Variants in BSDC1 observed in about 807,000 individuals in gnomAD.
BSDC1 encodes BSD domain containing 1.
Under a neutral mutation model 56.0 loss-of-function variants are expected in BSDC1, and 29 were observed. That is an observed-to-expected ratio of 0.52 (90% CI 0.39 to 0.71). BSDC1 has a LOEUF of 0.71. Among genes scored for constraint, BSDC1 ranks in the 30% least tolerant of loss-of-function variants. BSDC1 has a pLI of 0.00. For synonymous variants in BSDC1, 210 were observed against 215.3 expected (o/e 0.98, Z 0.21); for missense variants, 477 against 548.5 (o/e 0.87, Z 1.30).
At position 32,376,647 on chromosome 1, in the gene BSDC1, C is replaced by T; in HGVS notation, c.771G>A (p.Gln257=). The change falls in exon 9 of 11, where the codon CAG becomes CAA. Residue 257 remains glutamine, a synonymous_variant. Transcript: ENST00000455895. ...TCACCAGATTCTCTTCACAGGGGCT[C>T]TGGGGGCCAGGTTCTCCTTCAGGGA... is the stretch of plus-strand genomic sequence containing the variant. ...STFPEGEPGP[Q]SPCEENLVTS... is the part of the protein sequence containing the mutation. 1.4e-6 allele frequency: 2 copies of T among 1,425,848 alleles called. No homozygotes were observed. The highest frequency in any genetic ancestry group is 1.9e-6 in the Non-Finnish European group (2 of 1,077,518). The allele number at this position is 1,425,848 out of a possible 1,614,324, so 88.3% of individuals were successfully genotyped here. A position where few individuals can be genotyped will look rare whatever the true frequency, so the allele number is the denominator to read the frequency against.
At chr1:32,383,713 A>C (rs1642566508) in intron 4 of BSDC1, 117 bp downstream of exon 4, 1 of 755,192 alleles carries the variant, frequency 1.3e-6, no homozygotes. Context: ...TACTATTAAT[A>C]ATATACCCAT....
At chr1:32,377,456 C>CT (rs1642332209) in intron 8 of BSDC1, among the ~76,000 whole-genome samples, 1 of 151,772 alleles carries the variant, frequency 6.6e-6, no homozygotes, top group Admixed American at 6.6e-5. Context: ...GTGTAGAGCT[C>CT]TTAGGGCAGC....
At chr1:32,367,497 C>G in intron 10 of BSDC1, 1 of 985,464 alleles carries the variant, frequency 1.0e-6, no homozygotes, top group Non-Finnish European at 1.2e-6. Context: ...ACATGTCTCT[C>G]TAATCTGTCC....
chr1:32,382,881 A>G (rs1322476390), intron 4 of BSDC1, among the ~76,000 whole-genome samples: 1 of 151,436 alleles, frequency 6.6e-6, no homozygotes, highest in East Asian at 1.9e-4. Flanking sequence ...AAAAAAAAAA[A>G]AAAAAAAAGA....
intron 4 of BSDC1, among the ~76,000 whole-genome samples, chr1:32,382,096 G>A (rs535457146): frequency 6.6e-6 from 1 of 152,056 alleles, no homozygotes; most frequent in Admixed American, 6.6e-5. Context: ...GCATGGTGAT[G>A]TGCGCCTGTA....
At chr1:32,384,088 G>C in intron 3 of BSDC1, 91 bp from the exon 4 acceptor site, 1 of 1,567,064 alleles carries the variant, frequency 6.4e-7, no homozygotes, top group Non-Finnish European at 8.7e-7. Flanking sequence ...AAGGTGTACC[G>C]TGTGTTGGGG....
chr1:32,378,783 CCTT>C lies in BSDC1; in HGVS notation c.466_468del (p.Lys156del), dbSNP rs1557645803. 1.9e-6 allele frequency: 3 copies of C among 1,553,574 alleles called. No homozygotes were observed. The highest frequency in any genetic ancestry group is 2.4e-5 in the East Asian group (1 of 41,238). The stretch of plus-strand genomic sequence containing the variant: ...CCTACAAGGAGCTCTGAGATCTCCC[CCTT>C]CTTCTCCTCCAAGCAGAACTGGGAA... On this transcript the variant is annotated inframe_deletion, in exon 6 of 11. Transcript: ENST00000455895. This position sits in a 1 kb window ranked among gnomAD's most constrained non-coding sequence, Gnocchi z 5.2.
At chr1:32,369,649 G>A (rs1225657637) in intron 9 of BSDC1, among the ~76,000 whole-genome samples, 1 of 152,148 alleles carries the variant, frequency 6.6e-6, no homozygotes, top group Non-Finnish European at 1.5e-5. Flanking sequence ...GCTGTTCCCT[G>A]CACCTGGAAC....
At chr1:32,391,266 C>T (rs1424670138) in intron 2 of BSDC1, among the ~76,000 whole-genome samples, 2 of 151,890 alleles carry the variant, frequency 1.3e-5, no homozygotes, top group African/African-American at 4.8e-5. Flanking sequence ...GTAAAGCTGA[C>T]TGAGTAAAGA....
intron 9 of BSDC1, among the ~76,000 whole-genome samples, chr1:32,371,749 C>T (rs1015593650): frequency 7.9e-5 from 12 of 152,184 alleles, no homozygotes; most frequent in African/African-American, 2.9e-4. Flanking sequence ...CCCTCAGCCC[C>T]GCTCCCACAT....
chr1:32,386,115 C>T (rs531782011), intron 3 of BSDC1, among the ~76,000 whole-genome samples: 1 of 152,008 alleles, frequency 6.6e-6, no homozygotes, highest in Non-Finnish European at 1.5e-5. Flanking sequence ...GTCAGGAGAT[C>T]GAGACCATCC....
intron 4 of BSDC1, among the ~76,000 whole-genome samples, chr1:32,382,655 G>A (rs1191471711): frequency 1.4e-5 from 2 of 147,072 alleles, no homozygotes; most frequent in Non-Finnish European, 3.0e-5. Context: ...GAGCCCAGGG[G>A]TTTGAGACCA....
In BSDC1 at chr1:32,378,296, G is replaced by A; in HGVS notation, c.529-13C>T. ...CAGCTGCTGGAACCTGGAGGGAGGG[G>A]AAAATGGAGGTGAGACTTTGGGAGT... On this transcript the variant is annotated splice_polypyrimidine_tract_variant and intron_variant, in intron 6 of 10. Coordinates refer to ENST00000455895, the MANE Select transcript of BSDC1 (RefSeq NM_018045.8). The surrounding 1 kb of genome is among the most constrained non-coding windows in gnomAD (Gnocchi z 5.2). 6.2e-7 allele frequency: 1 copy of A among 1,613,686 alleles called. No individual in the cohort carries two copies. Among genetic ancestry groups the A allele is most frequent in the Non-Finnish European group, 8.5e-7 (1 of 1,179,560 alleles).
intron 2 of BSDC1, among the ~76,000 whole-genome samples, chr1:32,387,336 T>C (rs1642707291): frequency 6.6e-6 from 1 of 151,922 alleles, no homozygotes; most frequent in South Asian, 2.1e-4. Flanking sequence ...AAAAAAGGTA[T>C]GTGATTTTTT....
At chr1:32,390,449 C>A (rs1368685282) in intron 2 of BSDC1, among the ~76,000 whole-genome samples, 2 of 152,188 alleles carry the variant, frequency 1.3e-5, no homozygotes, top group African/African-American at 4.8e-5. Flanking sequence ...GGAAGCACCA[C>A]AGGCTGCTAA....
At chr1:32,376,785 G>A in intron 8 of BSDC1, 44 bp from the exon 9 acceptor site, 1 of 1,324,820 alleles carries the variant, frequency 7.5e-7, no homozygotes, top group Non-Finnish European at 9.7e-7. Flanking sequence ...ATGTAACCTG[G>A]CCAGCCATAA....
intron 2 of BSDC1, among the ~76,000 whole-genome samples, chr1:32,392,728 G>A (rs148489980): frequency 2.2e-4 from 34 of 152,320 alleles, no homozygotes; most frequent in Middle Eastern, 3.4e-3. Flanking sequence ...GGCTATTGCT[G>A]AGAGGCTGTC....
rs946248694 is a variant in BSDC1 at position 32,368,018 on chromosome 1, T to C, written c.1260+429A>G. Reference sequence around the variant, plus strand: ...AGAAGGTCAGGCAGGGTTTGATGTCTGTTTTCTTTTTTCCTTTTTTTTTTT... The same window carrying C: ...AGAAGGTCAGGCAGGGTTTGATGTCCGTTTTCTTTTTTCCTTTTTTTTTTT... On this transcript the variant is annotated intron_variant, in intron 10 of 10. Transcript: ENST00000455895. 5.1e-6 allele frequency: 6 copies of C among 1,168,052 alleles called. No individual in the cohort carries two copies. The African/African-American group carries it at 9.5e-5, about 18-fold the overall frequency. The allele number at this position is 1,168,052 out of a possible 1,614,324, so 72.4% of individuals were successfully genotyped here. A position where few individuals can be genotyped will look rare whatever the true frequency, so the allele number is the denominator to read the frequency against.
intron 3 of BSDC1, among the ~76,000 whole-genome samples, chr1:32,384,857 GA>G (rs896192154): frequency 9.5e-5 from 14 of 147,000 alleles, no homozygotes; most frequent in East Asian, 4.0e-4. Flanking sequence ...TTTGTTGAAT[GA>G]AAAAAAAAAG....
Sources: gnomAD v4.1 joint callset for allele counts (sites outside exome capture counted in the v4.1 genomes callset) on GRCh38, gnomAD v4.1.1 for gene constraint, Gnocchi (gnomAD v3.1) non-coding constraint, MANE v1.5 for transcripts, NCBI Gene and HGNC (gene_info 2026-07-23, HGNC 2026-07-21) for gene names.